The following ARHGAP17 variants were observed in gnomAD, a reference collection of about 807,000 sequenced individuals.
ARHGAP17 encodes Rho GTPase activating protein 17, also known as rho GTPase-activating protein 17.
ARHGAP17 carries 57 observed loss-of-function variants against 99.5 expected under a neutral mutation model. That is an observed-to-expected ratio of 0.57 (90% CI 0.46 to 0.71). ARHGAP17 has a LOEUF of 0.71. ARHGAP17 is among the 30% of genes least tolerant of loss of function. The probability of loss-of-function intolerance (pLI) is 0.00; values close to 1 mark genes in which losing one functional copy is unlikely to be tolerated. For missense variants in ARHGAP17, 1,000 were observed against 1,122.4 expected (o/e 0.89, Z 1.56); for synonymous variants, 417 against 429.6 (o/e 0.97, Z 0.36).
chr16:24,948,827 T>G (rs1173961444), intron 13 of ARHGAP17, among the ~76,000 whole-genome samples: 1 of 151,672 alleles, frequency 6.6e-6, no homozygotes, highest in Non-Finnish European at 1.5e-5. Context: ...TTTGAGTGAC[T>G]TTACCACCTG....
chr16:25,004,176 A>T (rs1043286222), intron 1 of ARHGAP17, among the ~76,000 whole-genome samples: 1 of 152,054 alleles, frequency 6.6e-6, no homozygotes, highest in Non-Finnish European at 1.5e-5. Flanking sequence ...GTAATCCCAC[A>T]ACTTTGGGAG....
At chr16:24,936,886 G>A (rs1039869933) in intron 17 of ARHGAP17, 1 of 150,390 alleles carries the variant, frequency 6.6e-6, no homozygotes. Context: ...TGGGAGGTTA[G>A]GGAGGGAGGA....
intron 4 of ARHGAP17, among the ~76,000 whole-genome samples, chr16:24,968,974 G>T (rs140101094): frequency 3.3e-5 from 5 of 152,150 alleles, no homozygotes; most frequent in African/African-American, 9.7e-5. Context: ...ACTGTCTCAG[G>T]GATGCACTTT....
At chr16:24,986,006 A>G (rs1383077797) in intron 1 of ARHGAP17, among the ~76,000 whole-genome samples, 1 of 152,224 alleles carries the variant, frequency 6.6e-6, no homozygotes, top group Non-Finnish European at 1.5e-5. Flanking sequence ...AAAGCAAGGC[A>G]GCACCACCAA....
chr16:24,937,691 C>T (rs2051180309), intron 17 of ARHGAP17, among the ~76,000 whole-genome samples: 1 of 152,124 alleles, frequency 6.6e-6, no homozygotes, highest in South Asian at 2.1e-4. Context: ...ACAAAGCATT[C>T]AGCATTCAGT....
At chr16:24,978,065 G>A (rs2052570424) in intron 2 of ARHGAP17, among the ~76,000 whole-genome samples, 1 of 152,166 alleles carries the variant, frequency 6.6e-6, no homozygotes, top group Admixed American at 6.5e-5. Flanking sequence ...CAGGACTCAG[G>A]GCTGGCAGGC....
At chr16:24,985,847 TACAC>T (rs953213770) in intron 1 of ARHGAP17, among the ~76,000 whole-genome samples, 1 of 151,128 alleles carries the variant, frequency 6.6e-6, no homozygotes, top group African/African-American at 2.4e-5. Flanking sequence ...TGCACACCCA[TACAC>T]ACACACACAG....
rs372094047 is a variant in ARHGAP17 at position 24,923,678 on chromosome 16, G to A, written c.2516-3418C>T. Among the ~76,000 whole-genome samples the A allele has an allele frequency of 3.8e-4, 56 of 147,398 alleles. 1 individual carries two copies. The highest frequency in any genetic ancestry group is 1.3e-3 in the African/African-American group (53 of 39,770). On this transcript the variant is annotated intron_variant, in intron 19 of 19. Transcript: ENST00000289968. ...GGCTGCAGTGGACTGGAATCACACC[G>A]CTGCACTCTAGCCTGGGCAACAGAG...
At chr16:24,999,806 T>C (rs1223510803) in intron 1 of ARHGAP17, among the ~76,000 whole-genome samples, 2 of 152,220 alleles carry the variant, frequency 1.3e-5, no homozygotes, top group Admixed American at 1.3e-4. Context: ...CTTGTATTTA[T>C]TTTGTGGTTT....
chr16:24,948,068 C>A (rs1015033691), intron 13 of ARHGAP17, among the ~76,000 whole-genome samples: 5 of 152,036 alleles, frequency 3.3e-5, no homozygotes, highest in Non-Finnish European at 5.9e-5. Flanking sequence ...AAGGCAAAAA[C>A]GTAAGAACAA....
intron 1 of ARHGAP17, among the ~76,000 whole-genome samples, chr16:25,013,091 G>C (rs527874059): frequency 6.6e-6 from 1 of 152,180 alleles, no homozygotes; most frequent in African/African-American, 2.4e-5. Context: ...GCACAGAAAA[G>C]CAAGTGCTAC....
intron 19 of ARHGAP17, among the ~76,000 whole-genome samples, chr16:24,930,533 A>C (rs2050953011): frequency 6.6e-6 from 1 of 152,216 alleles, no homozygotes; most frequent in South Asian, 2.1e-4. Context: ...TGTGGGCCAC[A>C]GGATCTTTGG....
intron 19 of ARHGAP17, among the ~76,000 whole-genome samples, chr16:24,925,396 A>C (rs1218990961): frequency 1.3e-5 from 2 of 152,088 alleles, no homozygotes; most frequent in Non-Finnish European, 2.9e-5. Context: ...ACACAAAATA[A>C]ATAAACAGAA....
intron 12 of ARHGAP17, 58 bp from the exon 13 acceptor site, chr16:24,949,542 T>A: frequency 6.9e-7 from 1 of 1,440,470 alleles, no homozygotes; most frequent in Non-Finnish European, 9.6e-7. Flanking sequence ...ATCTTATTAA[T>A]ATGCTATGTT....
chr16:25,001,251 C>A (rs1439731507), intron 1 of ARHGAP17, among the ~76,000 whole-genome samples: 2 of 150,684 alleles, frequency 1.3e-5, no homozygotes, highest in African/African-American at 4.9e-5. Flanking sequence ...AGGCACTATT[C>A]TCAATTTAAA....
chr16:24,967,562 A>G (rs2052225318), intron 6 of ARHGAP17, among the ~76,000 whole-genome samples: 1 of 152,116 alleles, frequency 6.6e-6, no homozygotes, highest in South Asian at 2.1e-4. Context: ...CTGTAATCCC[A>G]GCGCTTTGGG....
intron 1 of ARHGAP17, among the ~76,000 whole-genome samples, chr16:25,014,765 C>T (rs940314166): frequency 2.0e-5 from 3 of 152,208 alleles, no homozygotes; most frequent in African/African-American, 7.2e-5. Flanking sequence ...GCGGGAGCAC[C>T]GGGAAAGCCT....
At chr16:24,997,397 T>C (rs1402990938) in intron 1 of ARHGAP17, among the ~76,000 whole-genome samples, 2 of 150,108 alleles carry the variant, frequency 1.3e-5, no homozygotes, top group Non-Finnish European at 3.0e-5. Flanking sequence ...CACCCAGATA[T>C]ATATTCTCTG....
chr16:24,923,716 TCTC>T (rs1210664138), intron 19 of ARHGAP17, among the ~76,000 whole-genome samples: 22 of 97,848 alleles, frequency 2.2e-4, no homozygotes, highest in Admixed American at 2.0e-3. Context: ...AGACCCTGTC[TCTC>T]TTTTTTTTAA....
Sources: allele counts gnomAD v4.1 joint callset (sites outside exome capture counted in the v4.1 genomes callset), GRCh38; gene constraint gnomAD v4.1.1; transcripts MANE v1.5; gene names NCBI Gene and HGNC (gene_info 2026-07-23, HGNC 2026-07-21).